The following GLRA2 variants were observed in gnomAD, a reference collection of about 807,000 sequenced individuals.
The protein encoded by GLRA2 is glycine receptor alpha 2, also known as glycine receptor subunit alpha-2.
A neutral mutation model predicts 31.6 loss-of-function variants in GLRA2; 11 were observed. That is an observed-to-expected ratio of 0.35 (90% CI 0.22 to 0.58). The LOEUF is 0.58. Ranked by LOEUF, GLRA2 falls within the 20% of genes least tolerant of loss-of-function variation. The pLI is 0.84. For synonymous variants in GLRA2, 132 were observed against 134.0 expected, an observed-to-expected ratio of 0.99 and a Z score of 0.10; for missense variants, 212 against 351.8, an observed-to-expected ratio of 0.60 and a Z score of 3.18.
chrX:14,479,202 A>G, the GLRA2 span, among the ~76,000 whole-genome samples: 1 of 111,649 alleles, frequency 9.0e-6, no homozygotes, highest in Non-Finnish European at 1.9e-5. Flanking sequence ...CCAGAGATCT[A>G]TTAGAAGAAA....
intron 4 of GLRA2, among the ~76,000 whole-genome samples, chrX:14,602,899 T>A (rs1235146085): frequency 8.9e-6 from 1 of 111,874 alleles, no homozygotes; most frequent in Non-Finnish European, 1.9e-5. Context: ...TGTGTGCAAG[T>A]ATCTTTTTCA....
At chrX:14,512,255 T>A in the GLRA2 span, among the ~76,000 whole-genome samples, 31,395 of 110,360 alleles carry the variant, frequency 0.28, 3,468 homozygotes, top group Non-Finnish European at 0.33. Flanking sequence ...AAAACAAGCA[T>A]AGAAGGGACA....
At chrX:14,492,875 G>A in the GLRA2 span, among the ~76,000 whole-genome samples, 2 of 111,683 alleles carry the variant, frequency 1.8e-5, no homozygotes, top group African/African-American at 6.5e-5. Context: ...TGGCAGGTCT[G>A]GTGTCTGCTA....
the GLRA2 span, among the ~76,000 whole-genome samples, chrX:14,504,240 G>A: frequency 9.0e-6 from 1 of 111,527 alleles, no homozygotes; most frequent in African/African-American, 3.3e-5. Flanking sequence ...ATACTGAATG[G>A]GAACAAAAAC....
At chrX:14,574,698 A>G in intron 3 of GLRA2, 2 of 479,761 alleles carry the variant, frequency 4.2e-6, no homozygotes, top group Non-Finnish European at 7.4e-6. Flanking sequence ...AATTTATACT[A>G]CTTTATTTTG....
At chrX:14,555,007 C>T (rs1004839175) in intron 2 of GLRA2, among the ~76,000 whole-genome samples, 1 of 112,164 alleles carries the variant, frequency 8.9e-6, no homozygotes, top group Non-Finnish European at 1.9e-5. Flanking sequence ...TTTTTCCCTA[C>T]ACTCACGATC....
At chrX:14,547,547 G>A (rs2147020599) in intron 2 of GLRA2, among the ~76,000 whole-genome samples, 1 of 111,437 alleles carries the variant, frequency 9.0e-6, no homozygotes, top group East Asian at 2.8e-4. Context: ...GAGGAAATGA[G>A]ACAAAGAAGT....
At chrX:14,471,445 A>G in the GLRA2 span, among the ~76,000 whole-genome samples, 1 of 111,941 alleles carries the variant, frequency 8.9e-6, no homozygotes, top group Middle Eastern at 4.6e-3. Context: ...CTTTGACTCA[A>G]GGGATCTATG....
At chrX:14,582,632 G>A (rs6526744) in intron 4 of GLRA2, among the ~76,000 whole-genome samples, 1 of 110,435 alleles carries the variant, frequency 9.1e-6, no homozygotes, top group Non-Finnish European at 1.9e-5. Context: ...GAATCAAATC[G>A]AAGCTTTGCC....
chrX:14,450,152 A>C, the GLRA2 span, among the ~76,000 whole-genome samples: 1 of 110,941 alleles, frequency 9.0e-6, no homozygotes, highest in Non-Finnish European at 1.9e-5. Context: ...TGGGCTAAAA[A>C]CCTCAGGCTA....
chrX:14,560,240 T>C (rs186192037), intron 2 of GLRA2, among the ~76,000 whole-genome samples: 7 of 112,635 alleles, frequency 6.2e-5, no homozygotes, highest in African/African-American at 9.7e-5. Flanking sequence ...ATTAAAACAA[T>C]TGTGGTACTT....
chrX:14,668,320 A>G (rs1337220507), intron 7 of GLRA2, among the ~76,000 whole-genome samples: 1 of 112,146 alleles, frequency 8.9e-6, no homozygotes, highest in East Asian at 2.8e-4. Flanking sequence ...ATTTTGACAC[A>G]TTGTATTTGT....
intron 3 of GLRA2, among the ~76,000 whole-genome samples, chrX:14,579,914 G>T (rs1408844286): frequency 8.9e-6 from 1 of 111,804 alleles, no homozygotes; most frequent in Non-Finnish European, 1.9e-5. Context: ...AGGTAAAAAA[G>T]AAAAACAAAA....
chrX:14,626,456 T>C (rs997539627), intron 7 of GLRA2, among the ~76,000 whole-genome samples: 1 of 112,102 alleles, frequency 8.9e-6, no homozygotes, highest in Non-Finnish European at 1.9e-5. Context: ...GCTTGCCTGA[T>C]TGCCCTTTCT....
the GLRA2 span, among the ~76,000 whole-genome samples, chrX:14,509,568 G>C: frequency 8.9e-6 from 1 of 112,366 alleles, no homozygotes; most frequent in Non-Finnish European, 1.9e-5. Flanking sequence ...ATCTAATGTA[G>C]TGGCTTCATA....
At chrX:14,675,426 G>A (rs986261336) in intron 7 of GLRA2, among the ~76,000 whole-genome samples, 1 of 111,910 alleles carries the variant, frequency 8.9e-6, no homozygotes, top group African/African-American at 3.3e-5. Flanking sequence ...CTAGGCCTGT[G>A]TACCGTCCAA....
chrX:14,507,304 CTT>C, the GLRA2 span, among the ~76,000 whole-genome samples: 39 of 112,377 alleles, frequency 3.5e-4, no homozygotes, highest in African/African-American at 1.2e-3. Flanking sequence ...TTTTATGAGT[CTT>C]TGCAAATTAC....
At chrX:14,473,652 C>A in the GLRA2 span, among the ~76,000 whole-genome samples, 3 of 111,243 alleles carry the variant, frequency 2.7e-5, no homozygotes, top group South Asian at 1.1e-3. Context: ...TTCTATGCAC[C>A]CATCTCATCT....
chrX:14,619,478 GT>G (rs1257834335), intron 7 of GLRA2, among the ~76,000 whole-genome samples: 1 of 110,969 alleles, frequency 9.0e-6, no homozygotes. Flanking sequence ...CCTTCTTGCT[GT>G]TTCCCAAATA....
Sources: allele counts gnomAD v4.1 joint callset (sites outside exome capture counted in the v4.1 genomes callset), GRCh38; gene constraint gnomAD v4.1.1; transcripts MANE v1.5; gene names NCBI Gene and HGNC (gene_info 2026-07-23, HGNC 2026-07-21).